DENND1A: variants seen among roughly 807,000 people sequenced by gnomAD.
DENND1A encodes the protein DENN domain-containing protein 1A.
DENND1A carries 51 observed loss-of-function variants against 113.7 expected under a neutral mutation model. The observed-to-expected ratio is 0.45, with a 90% confidence interval of 0.36 to 0.57. The LOEUF is 0.57. Ranked by LOEUF, DENND1A falls within the 20% of genes least tolerant of loss-of-function variation. DENND1A has a pLI of 0.00. For missense variants in DENND1A, 1,258 were observed against 1,395.9 expected (o/e 0.90, Z 1.57); for synonymous variants, 565 against 570.8 (o/e 0.99, Z 0.14).
intron 10 of DENND1A, among the ~76,000 whole-genome samples, chr9:123,625,897 CA>C (rs989467293): frequency 2.6e-5 from 4 of 152,138 alleles, no homozygotes; most frequent in African/African-American, 9.7e-5. Flanking sequence ...GAATCTCTTC[CA>C]GGGGGAACCG....
At chr9:123,517,405 A>C (rs912883392) in intron 13 of DENND1A, among the ~76,000 whole-genome samples, 2 of 152,140 alleles carry the variant, frequency 1.3e-5, no homozygotes, top group Non-Finnish European at 2.9e-5. Context: ...GGATCACTTG[A>C]GGCCAGGAGT....
At chr9:123,399,297 T>C (rs1470986968) in intron 21 of DENND1A, among the ~76,000 whole-genome samples, 2 of 152,208 alleles carry the variant, frequency 1.3e-5, no homozygotes, top group African/African-American at 4.8e-5. Context: ...GGGCAAGTTA[T>C]GAAAGTCTCT....
At chr9:123,804,333 C>A (rs1835185106) in intron 2 of DENND1A, among the ~76,000 whole-genome samples, 1 of 152,158 alleles carries the variant, frequency 6.6e-6, no homozygotes, top group Non-Finnish European at 1.5e-5. Context: ...ATAAATTGCC[C>A]AGTCTCGGGT....
rs529667337 is a variant in DENND1A at position 123,504,502 on chromosome 9, A to C, written c.994-46605T>G. 3.3e-5 allele frequency among the ~76,000 whole-genome samples: 5 copies of C among 152,324 alleles called. No homozygotes were observed. In the East Asian group the frequency reaches 9.6e-4, roughly 29 times the overall value. On this transcript the variant is annotated intron_variant, in intron 13 of 23. Coordinates refer to ENST00000394215, the MANE Select transcript of DENND1A (RefSeq NM_001352964.2). ...ACAGAGTGTTTTTAAGTCTGATTTA[A>C]ATGTCTTAGGTTTTATACAGTTAAA...
chr9:123,551,149 G>A (rs1464648272), intron 13 of DENND1A, among the ~76,000 whole-genome samples: 1 of 152,184 alleles, frequency 6.6e-6, no homozygotes, highest in Non-Finnish European at 1.5e-5. Flanking sequence ...TAAATATCTT[G>A]GGCTTTGCAT....
At chr9:123,524,157 T>C (rs375219123) in intron 13 of DENND1A, among the ~76,000 whole-genome samples, 18 of 152,314 alleles carry the variant, frequency 1.2e-4, no homozygotes, top group African/African-American at 4.3e-4. Flanking sequence ...TACTCCTTCC[T>C]GATGTCTGTG....
chr9:123,497,708 A>G (rs2134141175), intron 13 of DENND1A, among the ~76,000 whole-genome samples: 1 of 151,152 alleles, frequency 6.6e-6, no homozygotes. Context: ...CATTATTTCA[A>G]CCCAAAAAAC....
At chr9:123,675,454 A>T (rs1156704009) in intron 6 of DENND1A, among the ~76,000 whole-genome samples, 1 of 152,206 alleles carries the variant, frequency 6.6e-6, no homozygotes, top group African/African-American at 2.4e-5. Context: ...CCTGGACCCC[A>T]GTGTGGCTGA....
intron 19 of DENND1A, among the ~76,000 whole-genome samples, chr9:123,431,629 T>A (rs559525856): frequency 6.6e-6 from 1 of 152,274 alleles, no homozygotes; most frequent in East Asian, 1.9e-4. Flanking sequence ...TGTCTCCTCC[T>A]CTCCAAGAGA....
chr9:123,533,385 G>A (rs2055484073), intron 13 of DENND1A, among the ~76,000 whole-genome samples: 1 of 152,180 alleles, frequency 6.6e-6, no homozygotes, highest in Admixed American at 6.5e-5. Flanking sequence ...AGAAAAACAT[G>A]GCTATGGAAT....
intron 13 of DENND1A, among the ~76,000 whole-genome samples, chr9:123,534,744 T>C (rs2055595911): frequency 6.6e-6 from 1 of 152,256 alleles, no homozygotes; most frequent in East Asian, 1.9e-4. Context: ...TTCCTAAGTT[T>C]ATAAACCATT....
At chr9:123,756,523 T>A (rs986468941) in intron 5 of DENND1A, among the ~76,000 whole-genome samples, 2 of 152,146 alleles carry the variant, frequency 1.3e-5, no homozygotes, top group Non-Finnish European at 2.9e-5. Flanking sequence ...GCAGCCTCCT[T>A]CCTAAAGCCT....
At chr9:123,911,569 T>C (rs1853970716) in intron 1 of DENND1A, among the ~76,000 whole-genome samples, 1 of 152,178 alleles carries the variant, frequency 6.6e-6, no homozygotes, top group Non-Finnish European at 1.5e-5. Context: ...CACAGATGAA[T>C]TCTACCAACA....
intron 2 of DENND1A, among the ~76,000 whole-genome samples, chr9:123,823,098 C>A (rs969273750): frequency 6.6e-6 from 1 of 152,116 alleles, no homozygotes; most frequent in Non-Finnish European, 1.5e-5. Context: ...CTGTGCTAAA[C>A]TCGGGAACAA....
At chr9:123,411,639 G>T in intron 20 of DENND1A, 137 bp downstream of exon 20, 1 of 404,614 alleles carries the variant, frequency 2.5e-6, no homozygotes, top group Non-Finnish European at 3.3e-6. Flanking sequence ...ATGCCACACA[G>T]AGAGGGAAGC....
intron 11 of DENND1A, among the ~76,000 whole-genome samples, chr9:123,598,937 C>G (rs1315329215): frequency 1.3e-5 from 2 of 152,156 alleles, no homozygotes; most frequent in African/African-American, 4.8e-5. Context: ...CAATCTGCAC[C>G]TTTTAGCTTT....
intron 2 of DENND1A, among the ~76,000 whole-genome samples, chr9:123,838,683 A>G (rs2132916138): frequency 6.6e-6 from 1 of 152,332 alleles, no homozygotes; most frequent in Admixed American, 6.5e-5. Context: ...AGAAAACCTA[A>G]CAAAGAAAAT....
At chr9:123,407,370 G>A (rs67595214) in intron 20 of DENND1A, among the ~76,000 whole-genome samples, 19,525 of 151,808 alleles carry the variant, frequency 0.13, 1,811 homozygotes, top group African/African-American at 0.26. Context: ...CCAGACTTCC[G>A]TGTACACACT....
At chr9:123,763,437 G>A (rs2071211629) in intron 4 of DENND1A, among the ~76,000 whole-genome samples, 1 of 152,160 alleles carries the variant, frequency 6.6e-6, no homozygotes, top group African/African-American at 2.4e-5. Context: ...TTTGGGGGAA[G>A]ATCCAAGAGT....
Sources: gnomAD v4.1 joint callset for allele counts (sites outside exome capture counted in the v4.1 genomes callset) on GRCh38, gnomAD v4.1.1 for gene constraint, MANE v1.5 for transcripts, NCBI Gene and HGNC (gene_info 2026-07-23, HGNC 2026-07-21) for gene names.